SRPX2: variants seen among roughly 807,000 people sequenced by gnomAD.
SRPX2 encodes sushi repeat-containing protein SRPX2.
Under a neutral mutation model 45.3 loss-of-function variants are expected in SRPX2, and 26 were observed. The observed-to-expected ratio is 0.57, with a 90% confidence interval of 0.42 to 0.80. The LOEUF (loss-of-function observed/expected upper bound fraction) is 0.80, where lower values mean the gene tolerates loss of function less well. Among genes scored for constraint, SRPX2 ranks in the 30% least tolerant of loss-of-function variants. The pLI is 0.00. For synonymous variants in SRPX2, 125 were observed against 143.7 expected (o/e 0.87, Z 0.93); for missense variants, 355 against 399.8 (o/e 0.89, Z 0.95).
At position 100,662,299 on chromosome X, in the gene SRPX2, G is replaced by A. The variant is rs1297168190; in HGVS notation, c.287G>A (p.Arg96Gln). ...RCELSCDRGF[R>Q]LIGRRSVQCL... ...GAGCTCTCCTGTGACCGGGGCTTTC[G>A]ATTGATTGGAAGGAGGTCGGTGCAA... is the stretch of plus-strand genomic sequence containing the variant. The change falls in exon 4 of 11, where the codon CGA becomes CAA. Residue 96 changes from arginine to glutamine, a missense_variant. Transcript: ENST00000373004. 2.5e-5 allele frequency: 30 copies of A among 1,210,263 alleles called. No individual in the cohort carries two copies. Among genetic ancestry groups the A allele is most frequent in the Non-Finnish European group, 3.0e-5 (27 of 895,387 alleles).
chrX:100,645,967 C>G, intron 1 of SRPX2: 1 of 234,464 alleles, frequency 4.3e-6, no homozygotes. Flanking sequence ...TTTTCCTGGT[C>G]TCAGTACTTC....
intron 2 of SRPX2, among the ~76,000 whole-genome samples, chrX:100,648,075 C>G (rs1249520107): frequency 8.9e-6 from 1 of 112,565 alleles, no homozygotes; most frequent in African/African-American, 3.2e-5. Flanking sequence ...CTTGTACAGC[C>G]TTGTCTTCAA....
At chrX:100,669,422 G>GGGGGA in intron 10 of SRPX2, 53 bp downstream of exon 10, 4 of 319,100 alleles carry the variant, frequency 1.3e-5, no homozygotes, top group Non-Finnish European at 2.5e-5. Context: ...GGGGCGGGGG[G>GGGGGA]AGAAACCCTA....
In SRPX2 at chrX:100,646,229, A is replaced by T; in HGVS notation, c.-94A>T. 2.5e-6 allele frequency: 2 copies of T among 804,475 alleles called. No homozygotes were observed. Among genetic ancestry groups the T allele is most frequent in the Non-Finnish European group, 3.8e-6 (2 of 530,230 alleles). The allele number at this position is 804,475 out of a possible 1,213,427, so 66.3% of individuals were successfully genotyped here. A position where few individuals can be genotyped will look rare whatever the true frequency, so the allele number is the denominator to read the frequency against. ...CTGCTTCCCCTCACTTTTAGAAGTT[A>T]ATTGATGGCTGACTTCTGAAAGTCA... On this transcript the variant is annotated 5_prime_UTR_variant, in exon 2 of 11. Coordinates refer to ENST00000373004, the MANE Select transcript of SRPX2 (RefSeq NM_014467.3).
At position 100,675,445 on chromosome X, in the gene SRPX2, G is replaced by A. The variant is rs2083260209; in HGVS notation, c.*4458G>A. On this transcript the variant is annotated 3_prime_UTR_variant, in exon 11 of 11. Coordinates refer to ENST00000373004, the MANE Select transcript of SRPX2 (RefSeq NM_014467.3). ...GAAAAGCATTAGACCAAAGCAAGGTGGAAACTGCTTAAAAACTAGAAAAGT... is the reference window on the plus strand; with the variant it reads ...GAAAAGCATTAGACCAAAGCAAGGTAGAAACTGCTTAAAAACTAGAAAAGT... 8.9e-6 allele frequency: 1 copy of A among 112,746 alleles called. No homozygotes were observed. Among genetic ancestry groups the A allele is most frequent in the Non-Finnish European group, 1.9e-5 (1 of 53,356 alleles). 9.3% of individuals were successfully genotyped at this position (112,746 alleles called of 1,213,427 possible). A position where few individuals can be genotyped will look rare whatever the true frequency, so the allele number is the denominator to read the frequency against.
rs1045337660 is a variant in SRPX2 at position 100,674,386 on chromosome X, A to G, written c.*3399A>G. 1.8e-4 allele frequency: 20 copies of G among 112,757 alleles called. No individual in the cohort carries two copies. Among genetic ancestry groups the G allele is most frequent in the South Asian group, 7.4e-4 (2 of 2,702 alleles). 9.3% of individuals were successfully genotyped at this position (112,757 alleles called of 1,213,427 possible). A position where few individuals can be genotyped will look rare whatever the true frequency, so the allele number is the denominator to read the frequency against. The stretch of plus-strand genomic sequence containing the variant: ...TTTCTTCAATCAGCATAGGATGGTT[A>G]GGGAAGAGCATTTATCACTTTGGTT... On this transcript the variant is annotated 3_prime_UTR_variant, in exon 11 of 11. Coordinates refer to ENST00000373004, the MANE Select transcript of SRPX2 (RefSeq NM_014467.3).
intron 2 of SRPX2, among the ~76,000 whole-genome samples, chrX:100,647,513 G>C (rs1261818154): frequency 1.8e-5 from 2 of 112,336 alleles, no homozygotes; most frequent in African/African-American, 6.5e-5. Flanking sequence ...GCCCTTGGCA[G>C]AGCATATCCT....
At chrX:100,646,735 C>A (rs188580043) in intron 2 of SRPX2, among the ~76,000 whole-genome samples, 1 of 111,202 alleles carries the variant, frequency 9.0e-6, no homozygotes, top group African/African-American at 3.3e-5. Context: ...TGAGTCAAAT[C>A]TTTATTAATA....
At chrX:100,662,143 T>C (rs1400161257) in intron 3 of SRPX2, 33 bp from the exon 4 acceptor site, 11 of 1,193,835 alleles carry the variant, frequency 9.2e-6, no homozygotes, top group Non-Finnish European at 1.1e-5. Context: ...TTGATTACTA[T>C]ACTTCTAGCT....
intron 3 of SRPX2, among the ~76,000 whole-genome samples, chrX:100,659,832 G>C (rs1429708042): frequency 1.0e-5 from 1 of 95,394 alleles, no homozygotes; most frequent in Non-Finnish European, 2.0e-5. Flanking sequence ...TGGGAACTGA[G>C]TCAACTCACA....
chrX:100,665,697 C>T, intron 7 of SRPX2, 40 bp downstream of exon 7: 1 of 1,209,479 alleles, frequency 8.3e-7, no homozygotes, highest in Non-Finnish European at 1.1e-6. Context: ...GTTCATTAAT[C>T]CTGCTCTACC....
At chrX:100,663,696 T>A (rs970757930) in intron 4 of SRPX2, among the ~76,000 whole-genome samples, 2 of 112,651 alleles carry the variant, frequency 1.8e-5, no homozygotes, top group African/African-American at 3.2e-5. Context: ...TAAAGGAATA[T>A]ATGGCCTCCT....
chrX:100,650,846 T>C lies in SRPX2; in HGVS notation c.144T>C (p.Ala48=). 1 of 1,210,258 alleles carries C rather than the reference T, an allele frequency of 8.3e-7. No homozygotes were observed. The highest frequency in any genetic ancestry group is 2.2e-5 in the Admixed American group (1 of 46,040). The stretch of plus-strand genomic sequence containing the variant: ...TATATGCAGAGGAGGTCCCACAGGC[T>C]CCTGCCCTGGACTACCGAGGTAATC... ...NEVYAEEVPQ[A]PALDYRVPRW... Residue 48 remains alanine, a synonymous_variant, in exon 3 of 11, where the codon GCT becomes GCC. Coordinates refer to ENST00000373004, the MANE Select transcript of SRPX2 (RefSeq NM_014467.3).
Position 100,670,949 on chromosome X carries a change from T to C in SRPX2, c.1360T>C (p.Leu454=). 8.3e-7 allele frequency: 1 copy of C among 1,210,023 alleles called. No homozygotes were observed. ...IDDYLLSNQE[L]TQRREQRDIC... is the part of the protein sequence containing the mutation. ...TGACTACCTACTGAGCAATCAGGAG[T>C]TGACCCAGCGTCGGGAGCAAAGGGA... Residue 454 remains leucine, a synonymous_variant, in exon 11 of 11, where the codon TTG becomes CTG. Transcript: ENST00000373004.
intron 3 of SRPX2, among the ~76,000 whole-genome samples, chrX:100,655,684 T>G (rs1174577498): frequency 1.8e-5 from 2 of 110,280 alleles, no homozygotes; most frequent in South Asian, 3.9e-4. Flanking sequence ...GATAAACACC[T>G]GCATACCTTA....
intron 1 of SRPX2, among the ~76,000 whole-genome samples, chrX:100,645,499 C>T (rs1457582483): frequency 1.8e-5 from 2 of 111,247 alleles, no homozygotes; most frequent in Admixed American, 9.6e-5. Context: ...TTAGGCTGGA[C>T]TTGAAAGCCA....
chrX:100,644,331 CTT>C lies in SRPX2; in HGVS notation c.-312_-311del, dbSNP rs1465788872. The C allele has an allele frequency of 8.9e-6, 1 of 111,953 alleles. No individual in the cohort carries two copies. Among genetic ancestry groups the C allele is most frequent in the Non-Finnish European group, 1.9e-5 (1 of 53,224 alleles). 9.2% of individuals were successfully genotyped at this position (111,953 alleles called of 1,213,427 possible). A position where few individuals can be genotyped will look rare whatever the true frequency, so the allele number is the denominator to read the frequency against. Reference sequence around the variant, plus strand: ...CAGGGATAATATAGCTTTAAGGAAACTTTTGGCAGATGTGGACGTCGTAACAT... The same window carrying C: ...CAGGGATAATATAGCTTTAAGGAAACTTGGCAGATGTGGACGTCGTAACAT... On this transcript the variant is annotated 5_prime_UTR_variant, in exon 1 of 11. Transcript: ENST00000373004.
intron 3 of SRPX2, among the ~76,000 whole-genome samples, chrX:100,661,216 T>C (rs1288352035): frequency 2.7e-5 from 3 of 112,230 alleles, no homozygotes; most frequent in Non-Finnish European, 5.6e-5. Context: ...TATCTCATTA[T>C]GATTTTAACT....
At chrX:100,665,470 A>G in intron 6 of SRPX2, 66 bp from the exon 7 acceptor site, 1 of 1,208,042 alleles carries the variant, frequency 8.3e-7, no homozygotes, top group Non-Finnish European at 1.1e-6. Flanking sequence ...GACAGTGGGG[A>G]TGTGCCTCAG....
Sources: allele counts gnomAD v4.1 joint callset (sites outside exome capture counted in the v4.1 genomes callset), GRCh38; gene constraint gnomAD v4.1.1; transcripts MANE v1.5; gene names NCBI Gene and HGNC (gene_info 2026-07-23, HGNC 2026-07-21).